Variants in PSD2 observed in about 807,000 individuals in gnomAD.
PSD2 encodes the protein PH and SEC7 domain-containing protein 2.
In PSD2, 38 loss-of-function variants were observed where a neutral mutation model predicts 69.8. The observed-to-expected ratio is 0.54, with a 90% CI of 0.42 to 0.71. The LOEUF (loss-of-function observed/expected upper bound fraction) is 0.71, where lower values mean the gene tolerates loss of function less well. PSD2 is among the 30% of genes least tolerant of loss of function. PSD2 has a pLI of 0.00. For synonymous variants in PSD2, 412 were observed against 423.0 expected (o/e 0.97, Z 0.32); for missense variants, 943 against 1,014.5 (o/e 0.93, Z 0.96).
rs892187242 is a variant in PSD2, at chr5:139,839,111, C to T, written c.1968+339C>T. On this transcript the variant is annotated intron_variant, in intron 13 of 14. Transcript: ENST00000274710. This position sits in a 1 kb window ranked among gnomAD's most constrained non-coding sequence, Gnocchi z 5.1. ...CACAGGGAGCTTGCACAGGTGACAC[C>T]TGGCTGACGCTTCATCCAGTGCTCT... is the stretch of plus-strand genomic sequence containing the variant. 1.3e-5 allele frequency among the ~76,000 whole-genome samples: 2 copies of T among 152,254 alleles called. No homozygotes were observed. The highest frequency in any genetic ancestry group is 4.8e-5 in the African/African-American group (2 of 41,460).
At chr5:139,769,056 C>T in the PSD2 span, among the ~76,000 whole-genome samples, 1 of 152,108 alleles carries the variant, frequency 6.6e-6, no homozygotes, top group East Asian at 1.9e-4. Flanking sequence ...AGATGAGTCA[C>T]CAGGCAGTGA....
Position 139,809,772 on chromosome 5 carries a change from C to T in PSD2, c.332C>T (p.Ser111Phe), listed in dbSNP as rs769083437. The T allele has an allele frequency of 2.2e-5, 36 of 1,614,172 alleles. 1 individual carries two copies. The Admixed American group carries it at 3.3e-4, about 15-fold the overall frequency. The change falls in exon 2 of 15, where the codon TCC becomes TTC. Residue 111 changes from serine to phenylalanine, a missense_variant. This residue lies in a region of PSD2 where 466 missense variants were observed against 445.0 expected (regional missense o/e 1.05). Transcript: ENST00000274710. Reference sequence around the variant, plus strand: ...GTGCTGGCAGAGGGGGACAATGCTTCCAGGAGCCTCTACCCAGATGCTGAG... The same window carrying T: ...GTGCTGGCAGAGGGGGACAATGCTTTCAGGAGCCTCTACCCAGATGCTGAG... ...AGVLAEGDNA[S>F]RSLYPDAEDP...
At chr5:139,830,578 C>CTT (rs1156622898) in intron 7 of PSD2, among the ~76,000 whole-genome samples, 17 of 134,852 alleles carry the variant, frequency 1.3e-4, no homozygotes, top group Admixed American at 1.4e-4. Context: ...TTCTTTCTTT[C>CTT]TTTCTTTCTT....
chr5:139,818,279 T>G (rs1207338750), intron 5 of PSD2, among the ~76,000 whole-genome samples: 1 of 152,156 alleles, frequency 6.6e-6, no homozygotes, highest in African/African-American at 2.4e-5. Flanking sequence ...GCACAGTGGC[T>G]CATACCTGTA....
intron 14 of PSD2, among the ~76,000 whole-genome samples, chr5:139,841,919 G>A (rs1452249135): frequency 6.6e-6 from 1 of 152,130 alleles, no homozygotes; most frequent in Non-Finnish European, 1.5e-5. Context: ...TATATGACTT[G>A]CAAATATTTT....
the PSD2 span, among the ~76,000 whole-genome samples, chr5:139,762,129 G>A: frequency 1.4e-5 from 2 of 145,816 alleles, no homozygotes; most frequent in African/African-American, 2.6e-5. Context: ...TGTAACCTCC[G>A]CCTCCTGGGT....
At chr5:139,831,268 T>C (rs1373235012) in intron 7 of PSD2, among the ~76,000 whole-genome samples, 2 of 152,212 alleles carry the variant, frequency 1.3e-5, no homozygotes, top group Non-Finnish European at 2.9e-5. Flanking sequence ...TTAGTGTTTA[T>C]GTGGTATATC....
chr5:139,773,647 G>T, the PSD2 span, among the ~76,000 whole-genome samples: 9 of 152,108 alleles, frequency 5.9e-5, no homozygotes, highest in Non-Finnish European at 5.9e-5. Flanking sequence ...CACTCATATT[G>T]TCTATGTCAT....
chr5:139,841,025 C>T (rs1285841882), intron 14 of PSD2, among the ~76,000 whole-genome samples: 1 of 152,120 alleles, frequency 6.6e-6, no homozygotes, highest in Non-Finnish European at 1.5e-5. Flanking sequence ...AAACTCTGTA[C>T]ACATTAAATA....
At chr5:139,792,654 T>G (rs890311318), upstream of PSD2, among the ~76,000 whole-genome samples, 1 of 152,156 alleles carries the variant, frequency 6.6e-6, no homozygotes, top group Non-Finnish European at 1.5e-5. Context: ...GGGGGAAATA[T>G]CGTCTATTCT....
the PSD2 span, among the ~76,000 whole-genome samples, chr5:139,769,786 C>T: frequency 3.3e-5 from 5 of 152,222 alleles, no homozygotes; most frequent in Non-Finnish European, 7.3e-5. Flanking sequence ...GGGGCAGTGC[C>T]CTGAGTTGGG....
chr5:139,743,463 C>T, the PSD2 span, among the ~76,000 whole-genome samples: 1 of 152,102 alleles, frequency 6.6e-6, no homozygotes, highest in East Asian at 1.9e-4. Context: ...CTGGGGTCTG[C>T]GTGTTGGTGT....
At chr5:139,838,847 C>A in intron 13 of PSD2, 75 bp downstream of exon 13, 1 of 1,501,026 alleles carries the variant, frequency 6.7e-7, no homozygotes, top group Non-Finnish European at 9.1e-7. Context: ...AGCAGCCCCA[C>A]CCCAGCTCTG....
intron 1 of PSD2, among the ~76,000 whole-genome samples, chr5:139,805,955 G>A (rs1220749641): frequency 6.6e-6 from 1 of 152,224 alleles, no homozygotes; most frequent in Non-Finnish European, 1.5e-5. Flanking sequence ...GCCACAGGGA[G>A]AGTGAGGAGG....
At position 139,814,046 on chromosome 5, in the gene PSD2, G is replaced by T; in HGVS notation, c.822-124G>T. 1.1e-6 allele frequency: 1 copy of T among 908,050 alleles called. No homozygotes were observed. The highest frequency in any genetic ancestry group is 1.7e-6 in the Non-Finnish European group (1 of 582,730). 56.2% of individuals were successfully genotyped at this position (908,050 alleles called of 1,614,324 possible). ...GATTTCATTCCCTCCGGCTGCAGTG[G>T]AGCTTCTTTCCCTGTTCTGGCCCCT... On this transcript the variant is annotated intron_variant, in intron 3 of 14. Transcript: ENST00000274710. This position sits in a 1 kb window ranked among gnomAD's most constrained non-coding sequence, Gnocchi z 4.4.
the PSD2 span, among the ~76,000 whole-genome samples, chr5:139,746,026 G>C: frequency 6.6e-6 from 1 of 152,158 alleles, no homozygotes; most frequent in Non-Finnish European, 1.5e-5. The surrounding 1 kb of genome is among the most constrained non-coding windows in gnomAD (Gnocchi z 4.5). Flanking sequence ...GGTATCAGGG[G>C]TGGTGGGCCC....
At chr5:139,790,922 G>A (rs1376839672), upstream of PSD2, among the ~76,000 whole-genome samples, 1 of 151,802 alleles carries the variant, frequency 6.6e-6, no homozygotes, top group East Asian at 1.9e-4. Flanking sequence ...GTGGGGGGGA[G>A]CGCCTATAAT....
chr5:139,777,976 AC>A, the PSD2 span, among the ~76,000 whole-genome samples: 1 of 152,232 alleles, frequency 6.6e-6, no homozygotes, highest in Non-Finnish European at 1.5e-5. Context: ...CTCAGTCTCC[AC>A]CACCTTCCTC....
the PSD2 span, among the ~76,000 whole-genome samples, chr5:139,776,046 C>T: frequency 2.4e-4 from 36 of 152,328 alleles, no homozygotes; most frequent in East Asian, 6.4e-3. Flanking sequence ...CCCCAAGGTC[C>T]CTGAGGAGGG....
Sources: gnomAD v4.1 joint callset for allele counts (sites outside exome capture counted in the v4.1 genomes callset) on GRCh38, gnomAD v4.1.1 for gene constraint, gnomAD v4.1.1 regional missense constraint, Gnocchi (gnomAD v3.1) non-coding constraint, MANE v1.5 for transcripts, NCBI Gene and HGNC (gene_info 2026-07-23, HGNC 2026-07-21) for gene names.